The following GALNT16 variants were observed in gnomAD, a reference collection of about 807,000 sequenced individuals.
The protein encoded by GALNT16 is UDP-GalNAc:polypeptide N-acetylgalactosaminyltransferase-like protein 1.
In GALNT16, 40 loss-of-function variants were observed where a neutral mutation model predicts 76.1. The observed-to-expected ratio is 0.53, with a 90% confidence interval of 0.41 to 0.68. GALNT16 has a LOEUF of 0.68. Ranked by LOEUF, GALNT16 falls within the 30% of genes least tolerant of loss-of-function variation. The pLI, the probability that GALNT16 is intolerant of heterozygous loss-of-function variation, is 0.00. For missense variants in GALNT16, 621 were observed against 731.9 expected (o/e 0.85, Z 1.75); for synonymous variants, 276 against 285.2 (o/e 0.97, Z 0.32).
chr14:69,287,591 G>T (rs533031631), intron 1 of GALNT16, among the ~76,000 whole-genome samples: 131 of 152,262 alleles, frequency 8.6e-4, no homozygotes, highest in Non-Finnish European at 1.7e-3. Flanking sequence ...TGGATGTTTT[G>T]TCTCCCTGTG....
intron 9 of GALNT16, among the ~76,000 whole-genome samples, chr14:69,337,329 G>T (rs2045427607): frequency 6.6e-6 from 1 of 152,178 alleles, no homozygotes; most frequent in Non-Finnish European, 1.5e-5. Context: ...GACTTCACAT[G>T]GTTGCAGTGA....
At chr14:69,383,137 A>C in the GALNT16 span, among the ~76,000 whole-genome samples, 1 of 152,254 alleles carries the variant, frequency 6.6e-6, no homozygotes, top group Non-Finnish European at 1.5e-5. Flanking sequence ...CATTATTTTC[A>C]TCTTACAAAA....
the GALNT16 span, among the ~76,000 whole-genome samples, chr14:69,381,567 A>G: frequency 6.6e-6 from 1 of 152,198 alleles, no homozygotes; most frequent in African/African-American, 2.4e-5. Flanking sequence ...TGGGACTGTG[A>G]GTAGTATCTA....
upstream of GALNT16, chr14:69,259,989 G>T (rs1363584442): frequency 7.2e-6 from 2 of 279,708 alleles, no homozygotes; most frequent in Admixed American, 5.1e-5. Context: ...CTCCCAGTGC[G>T]CAGTGGCCTG....
chr14:69,276,802 C>T (rs2044477397), intron 1 of GALNT16, among the ~76,000 whole-genome samples: 1 of 152,062 alleles, frequency 6.6e-6, no homozygotes, highest in South Asian at 2.1e-4. Context: ...AATAAAAAAA[C>T]TCTGATTTTA....
At chr14:69,325,467 A>AGGGGAAACAT in intron 4 of GALNT16, 63 bp downstream of exon 4, 1 of 986,772 alleles carries the variant, frequency 1.0e-6, no homozygotes, top group Middle Eastern at 2.2e-4. Flanking sequence ...TCCCCAGAAC[A>AGGGGAAACAT]CCAAGGCAAG....
In GALNT16 at chr14:69,320,714, A is replaced by T; in HGVS notation, c.181A>T (p.Thr61Ser). The T allele has an allele frequency of 6.2e-7, 1 of 1,613,554 alleles. No individual in the cohort carries two copies. The highest frequency in any genetic ancestry group is 1.1e-5 in the South Asian group (1 of 90,990). Residue 61 changes from threonine (T) to serine (S), a missense_variant, in exon 2 of 15, where the codon ACA (threonine) becomes TCA (serine). By Grantham distance (58) the Thr-to-Ser change is moderately conservative. Transcript: ENST00000448469. ...CTGATGCTGACCTTCATCTCAGGTG[A>T]CAGGAACTCCCTCGAAAGGCTTTGA... is the stretch of plus-strand genomic sequence containing the variant. ...REDRTIPLIV[T>S]GTPSKGFDEK...
intron 1 of GALNT16, among the ~76,000 whole-genome samples, chr14:69,281,240 TTC>T (rs1238571988): frequency 6.6e-6 from 1 of 152,204 alleles, no homozygotes; most frequent in African/African-American, 2.4e-5. Flanking sequence ...GCTTGACACT[TTC>T]TCTGATTTAA....
the GALNT16 span, among the ~76,000 whole-genome samples, chr14:69,371,137 T>C: frequency 2.0e-5 from 3 of 152,248 alleles, no homozygotes; most frequent in Admixed American, 6.5e-5. Context: ...ATTCCTTGCC[T>C]GAGCAGCTGG....
chr14:69,277,334 T>C (rs1483035451), intron 1 of GALNT16, among the ~76,000 whole-genome samples: 1 of 152,240 alleles, frequency 6.6e-6, no homozygotes, highest in Non-Finnish European at 1.5e-5. Context: ...TAACTCGTCA[T>C]TTACATTAGG....
At chr14:69,264,758 A>T (rs2044318116) in intron 1 of GALNT16, among the ~76,000 whole-genome samples, 1 of 149,228 alleles carries the variant, frequency 6.7e-6, no homozygotes, top group African/African-American at 2.5e-5. Flanking sequence ...CCTTTGTCAA[A>T]ATGTTCAGAT....
intron 1 of GALNT16, among the ~76,000 whole-genome samples, chr14:69,309,898 T>A (rs1328700529): frequency 1.3e-5 from 2 of 152,362 alleles, no homozygotes; most frequent in Middle Eastern, 6.8e-3. Flanking sequence ...TTTTTCTTTA[T>A]ACTTTTAAGT....
At chr14:69,330,930 T>C (rs1044208121) in intron 6 of GALNT16, among the ~76,000 whole-genome samples, 7 of 152,178 alleles carry the variant, frequency 4.6e-5, no homozygotes, top group Non-Finnish European at 8.8e-5. Flanking sequence ...GGATGTGGTA[T>C]GAGAGGGATA....
chr14:69,287,710 C>T (rs2044631885), intron 1 of GALNT16, among the ~76,000 whole-genome samples: 1 of 152,216 alleles, frequency 6.6e-6, no homozygotes, highest in Non-Finnish European at 1.5e-5. Flanking sequence ...CTGGCCAGCA[C>T]AGCCAACACG....
chr14:69,369,657 C>T, the GALNT16 span, among the ~76,000 whole-genome samples: 14 of 152,320 alleles, frequency 9.2e-5, no homozygotes, highest in East Asian at 3.9e-4. Flanking sequence ...GACGCAACCA[C>T]GTGCACTCAA....
chr14:69,317,979 C>T (rs989205994), intron 1 of GALNT16, among the ~76,000 whole-genome samples: 1 of 152,180 alleles, frequency 6.6e-6, no homozygotes, highest in African/African-American at 2.4e-5. Flanking sequence ...GAAGTGAAAG[C>T]CCTTCAGAGG....
chr14:69,338,520 G>T, intron 9 of GALNT16, 131 bp from the exon 10 acceptor site: 2 of 1,271,796 alleles, frequency 1.6e-6, no homozygotes, highest in South Asian at 1.4e-5. Context: ...CACTCCATTT[G>T]AGCAGGCCCA....
the GALNT16 span, among the ~76,000 whole-genome samples, chr14:69,370,150 A>C: frequency 6.6e-6 from 1 of 152,156 alleles, no homozygotes; most frequent in African/African-American, 2.4e-5. Context: ...GCTCATTAGC[A>C]TGTGTCAGAA....
At chr14:69,328,019 C>A (rs1036962344) in intron 5 of GALNT16, among the ~76,000 whole-genome samples, 1 of 152,220 alleles carries the variant, frequency 6.6e-6, no homozygotes, top group Non-Finnish European at 1.5e-5. Context: ...GGCTGCCATA[C>A]AAACTTAAGC....
Sources: allele counts gnomAD v4.1 joint callset (sites outside exome capture counted in the v4.1 genomes callset), GRCh38; gene constraint gnomAD v4.1.1; transcripts MANE v1.5; gene names NCBI Gene and HGNC (gene_info 2026-07-23, HGNC 2026-07-21).